Variants in TIAM1 observed in about 807,000 individuals in gnomAD.
TIAM1 encodes rho guanine nucleotide exchange factor TIAM1.
Under a neutral mutation model 163.5 loss-of-function variants are expected in TIAM1, and 65 were observed. The observed-to-expected ratio is 0.40, with a 90% CI of 0.33 to 0.49. The LOEUF (loss-of-function observed/expected upper bound fraction) is 0.49, where lower values mean the gene tolerates loss of function less well. TIAM1 is among the 20% of genes least tolerant of loss of function. TIAM1 has a pLI of 0.77. For synonymous variants in TIAM1, 833 were observed against 810.1 expected, an observed-to-expected ratio of 1.03 and a Z score of -0.48; for missense variants, 1,789 against 2,044.7, an observed-to-expected ratio of 0.87 and a Z score of 2.41.
chr21:31,444,998 A>T (rs1366994533), intron 2 of TIAM1, among the ~76,000 whole-genome samples: 1 of 1,226 alleles, frequency 8.2e-4, no homozygotes, highest in African/African-American at 7.7e-3. Context: ...AATTACATCT[A>T]AAAAAAAAAG....
At chr21:31,386,928 G>C (rs917442441) in intron 2 of TIAM1, among the ~76,000 whole-genome samples, 2 of 152,154 alleles carry the variant, frequency 1.3e-5, no homozygotes, top group African/African-American at 4.8e-5. Context: ...TGGTGTCCAG[G>C]GTGTTTTTGA....
chr21:31,509,192 AC>A (rs1182239037), intron 1 of TIAM1, among the ~76,000 whole-genome samples: 2 of 152,164 alleles, frequency 1.3e-5, no homozygotes, highest in Admixed American at 6.5e-5. Flanking sequence ...TACCCGACAA[AC>A]CCTACCTGCT....
intron 1 of TIAM1, among the ~76,000 whole-genome samples, chr21:31,540,442 T>C (rs140198601): frequency 1.5e-4 from 22 of 150,452 alleles, no homozygotes; most frequent in South Asian, 6.3e-4. Flanking sequence ...ACACCACTTA[T>C]AAAAGTATTC....
At chr21:31,126,778 G>T (rs2087059324) in intron 26 of TIAM1, among the ~76,000 whole-genome samples, 1 of 152,072 alleles carries the variant, frequency 6.6e-6, no homozygotes, top group Non-Finnish European at 1.5e-5. Flanking sequence ...CAGGGTAGAA[G>T]AAAAACAACA....
At chr21:31,259,375 G>C (rs1302826293) in intron 4 of TIAM1, among the ~76,000 whole-genome samples, 1 of 151,878 alleles carries the variant, frequency 6.6e-6, no homozygotes, top group South Asian at 2.1e-4. Flanking sequence ...GAGCTCAAGC[G>C]ATCCTCCCAC....
chr21:31,278,690 A>T (rs919036705), intron 2 of TIAM1, among the ~76,000 whole-genome samples: 1 of 152,204 alleles, frequency 6.6e-6, no homozygotes, highest in Non-Finnish European at 1.5e-5. Flanking sequence ...TATGCTATTT[A>T]ACCATGAAGT....
chr21:31,146,650 G>T (rs186893246), intron 20 of TIAM1, among the ~76,000 whole-genome samples: 1 of 149,568 alleles, frequency 6.7e-6, no homozygotes, highest in African/African-American at 2.5e-5. Flanking sequence ...GGCAGAGGTC[G>T]CAGTGAGCCA....
In TIAM1 at chr21:31,435,846, G is replaced by A. The variant is rs112974927; in HGVS notation, c.-369+28137C>T. Among the ~76,000 whole-genome samples the A allele has an allele frequency of 7.5e-3, 1,140 of 152,210 alleles. 14 individuals are homozygous for A. The highest frequency in any genetic ancestry group is 0.025 in the African/African-American group (1,058 of 41,538). On this transcript the variant is annotated intron_variant, in intron 2 of 28. Transcript: ENST00000286827. The stretch of plus-strand genomic sequence containing the variant: ...GTGGGTTCGTTATAAAAACAAGCTC[G>A]GCCCTTTCTTGTTCTCTCTCACTCT...
chr21:31,484,267 C>A (rs904260431), intron 1 of TIAM1, among the ~76,000 whole-genome samples: 1 of 152,170 alleles, frequency 6.6e-6, no homozygotes, highest in Non-Finnish European at 1.5e-5. Flanking sequence ...ACACTGTACC[C>A]CAACTGCCTG....
chr21:31,295,209 G>T (rs947802276), intron 2 of TIAM1, among the ~76,000 whole-genome samples: 5 of 152,136 alleles, frequency 3.3e-5, no homozygotes, highest in Non-Finnish European at 7.3e-5. Context: ...GGTGGCTTAC[G>T]CCTGCAATCC....
rs868473404 is a variant in TIAM1, at chr21:31,373,052, T to C, written c.-368-33630A>G. 5.1e-3 allele frequency among the ~76,000 whole-genome samples: 536 copies of C among 104,686 alleles called. 3 individuals carry two copies. Among genetic ancestry groups the C allele is most frequent in the African/African-American group, 0.023 (509 of 22,164 alleles). 68.7% of individuals were successfully genotyped at this position (104,686 alleles called of 152,430 possible). A position where few individuals can be genotyped will look rare whatever the true frequency, so the allele number is the denominator to read the frequency against. On this transcript the variant is annotated intron_variant, in intron 2 of 28. Transcript: ENST00000286827. ...CCTGGGCAACAAGAGCAAAACTCTG[T>C]CTCAAAAAAAAAAAAAGAAAAGAAA... is the stretch of plus-strand genomic sequence containing the variant.
At chr21:31,315,423 G>A (rs961570160) in intron 2 of TIAM1, among the ~76,000 whole-genome samples, 1 of 151,982 alleles carries the variant, frequency 6.6e-6, no homozygotes, top group Non-Finnish European at 1.5e-5. Context: ...GCTGAGGCAG[G>A]AGAATGGCGT....
At chr21:31,165,536 C>T (rs1191954631) in intron 15 of TIAM1, among the ~76,000 whole-genome samples, 4 of 152,100 alleles carry the variant, frequency 2.6e-5, no homozygotes, top group Non-Finnish European at 4.4e-5. Context: ...AGAGCCCTCA[C>T]CAGGAAACTG....
At chr21:31,215,079 A>C (rs907930588) in intron 9 of TIAM1, among the ~76,000 whole-genome samples, 5 of 152,210 alleles carry the variant, frequency 3.3e-5, no homozygotes, top group African/African-American at 1.2e-4. Context: ...CTTTGATTTT[A>C]GAAAAATGTT....
At chr21:31,513,773 C>T (rs1208358678) in intron 1 of TIAM1, among the ~76,000 whole-genome samples, 2 of 152,096 alleles carry the variant, frequency 1.3e-5, no homozygotes, top group African/African-American at 2.4e-5. Flanking sequence ...TTTGGGAAGC[C>T]GAGGCGGGTG....
intron 23 of TIAM1, among the ~76,000 whole-genome samples, chr21:31,132,254 A>G (rs567310557): frequency 6.6e-6 from 1 of 152,304 alleles, no homozygotes; most frequent in African/African-American, 2.4e-5. Context: ...CTCTTTGTGT[A>G]AGATCATGCT....
At chr21:31,224,658 G>A (rs1601613054) in intron 7 of TIAM1, among the ~76,000 whole-genome samples, 1 of 152,160 alleles carries the variant, frequency 6.6e-6, no homozygotes, top group South Asian at 2.1e-4. Flanking sequence ...CATGGTAAAC[G>A]TACTCGATGT....
intron 2 of TIAM1, among the ~76,000 whole-genome samples, chr21:31,297,736 G>A (rs1451849819): frequency 1.3e-5 from 2 of 152,104 alleles, no homozygotes; most frequent in East Asian, 1.9e-4. Context: ...CAGTTACAAT[G>A]GCCAATTTTG....
rs11381986 is a variant in TIAM1 at position 31,136,490 on chromosome 21, GA to G, written c.3775-450del. Among the ~76,000 whole-genome samples, 9 of 150,672 alleles carry G rather than the reference GA, an allele frequency of 6.0e-5. 1 individual carries two copies. The South Asian group carries it at 8.4e-4, about 14-fold the overall frequency. ...AGGAACAATACAATGAAATTTTAACGAAAAAAAAAATCCTTTAATTCATATG... is the reference window on the plus strand; with the variant it reads ...AGGAACAATACAATGAAATTTTAACGAAAAAAAAATCCTTTAATTCATATG... On this transcript the variant is annotated intron_variant, in intron 22 of 27. Transcript: ENST00000541036.
Sources: gnomAD v4.1 joint callset for allele counts (sites outside exome capture counted in the v4.1 genomes callset) on GRCh38, gnomAD v4.1.1 for gene constraint, MANE v1.5 for transcripts, NCBI Gene and HGNC (gene_info 2026-07-23, HGNC 2026-07-21) for gene names.